FRMPD4: variants seen among roughly 807,000 people sequenced by gnomAD.
FRMPD4 encodes FERM and PDZ domain-containing protein 4.
FRMPD4 carries 22 observed loss-of-function variants against 94.1 expected under a neutral mutation model. The observed-to-expected ratio is 0.23, with a 90% CI of 0.17 to 0.33. FRMPD4 has a LOEUF of 0.33. Among genes scored for constraint, FRMPD4 ranks in the 10% least tolerant of loss-of-function variants. The pLI, the probability that FRMPD4 is intolerant of heterozygous loss-of-function variation, is 1.00. For missense variants in FRMPD4, 1,111 were observed against 1,339.9 expected, an observed-to-expected ratio of 0.83 and a Z score of 2.67; for synonymous variants, 631 against 548.6, an observed-to-expected ratio of 1.15 and a Z score of -2.10.
intron 1 of FRMPD4, among the ~76,000 whole-genome samples, chrX:11,832,347 G>A (rs920074967): frequency 1.8e-5 from 2 of 111,773 alleles, no homozygotes; most frequent in African/African-American, 6.5e-5. Context: ...CTCAGACAAA[G>A]TGATTCAAGG....
intron 6 of FRMPD4, among the ~76,000 whole-genome samples, chrX:12,683,823 A>G (rs2059995790): frequency 8.9e-6 from 1 of 112,364 alleles, no homozygotes; most frequent in African/African-American, 3.2e-5. Flanking sequence ...GAATGCTTTC[A>G]GTGTCAGAGA....
rs758839572 is a variant in FRMPD4, at chrX:12,609,862, C to A, written c.300C>A (p.Val100=). The change falls in exon 3 of 17, where the codon GTC becomes GTA. Residue 100 remains valine (V), a synonymous_variant. Coordinates refer to ENST00000675598, the MANE Select transcript of FRMPD4 (RefSeq NM_001368397.1). ...TGGCAGGCAGTGAAAAGCCAGTGGT[C>A]GTTCGCTCAGTAACACCAGGTAAGC... The part of the protein sequence containing the change: ...GFVAGSEKPV[V]VRSVTPGGPS... 7.4e-6 allele frequency: 9 copies of A among 1,210,467 alleles called. No homozygotes were observed. The East Asian group carries it at 2.7e-4, about 36-fold the overall frequency.
intron 1 of FRMPD4, among the ~76,000 whole-genome samples, chrX:12,240,802 A>G (rs2057120824): frequency 8.9e-6 from 1 of 112,193 alleles, no homozygotes; most frequent in Non-Finnish European, 1.9e-5. Flanking sequence ...TGATCAAGGC[A>G]GTGTTTTATT....
intron 1 of FRMPD4, among the ~76,000 whole-genome samples, chrX:12,352,076 C>T (rs945864488): frequency 8.9e-6 from 1 of 111,771 alleles, no homozygotes; most frequent in Admixed American, 9.5e-5. Context: ...TATTGACTTC[C>T]AGTTTTCCCA....
intron 1 of FRMPD4, among the ~76,000 whole-genome samples, chrX:12,440,791 AACTT>A (rs199625349): frequency 0.02 from 2,170 of 111,067 alleles, 51 homozygotes; most frequent in African/African-American, 0.068. Flanking sequence ...GTGCCCTATA[AACTT>A]ACTTATAGAG....
At chrX:12,101,876 A>G (rs2055258739) in intron 3 of FRMPD4, among the ~76,000 whole-genome samples, 1 of 112,074 alleles carries the variant, frequency 8.9e-6, no homozygotes, top group Non-Finnish European at 1.9e-5. Flanking sequence ...ATGTTTACAC[A>G]TCTACTTATC....
chrX:12,318,107 T>C (rs2055154547), intron 1 of FRMPD4, among the ~76,000 whole-genome samples: 1 of 112,619 alleles, frequency 8.9e-6, no homozygotes, highest in African/African-American at 3.2e-5. Flanking sequence ...CTCAATGGAG[T>C]ATTATTCAGC....
chrX:12,301,025 C>T (rs2054851829), intron 1 of FRMPD4, among the ~76,000 whole-genome samples: 1 of 111,987 alleles, frequency 8.9e-6, no homozygotes, highest in Admixed American at 9.4e-5. Context: ...GTTTCCTCCA[C>T]TCAGTTGCCC....
At chrX:11,870,027 A>G (rs1461397037) in intron 2 of FRMPD4, among the ~76,000 whole-genome samples, 1 of 111,846 alleles carries the variant, frequency 8.9e-6, no homozygotes, top group Non-Finnish European at 1.9e-5. Context: ...GTTTCTGACA[A>G]ACTGCACAAA....
At chrX:12,114,108 C>G (rs2055388611) in intron 3 of FRMPD4, among the ~76,000 whole-genome samples, 1 of 111,451 alleles carries the variant, frequency 9.0e-6, no homozygotes. Context: ...TATTCTTGTT[C>G]TCAGTCAAGT....
chrX:11,840,460 A>G (rs1002797103), intron 1 of FRMPD4, among the ~76,000 whole-genome samples: 2 of 110,767 alleles, frequency 1.8e-5, no homozygotes, highest in Admixed American at 9.6e-5. Context: ...TTTTGTGTAA[A>G]CTTTAGGAAT....
At chrX:11,885,932 C>T (rs376641551) in intron 3 of FRMPD4, among the ~76,000 whole-genome samples, 1 of 111,519 alleles carries the variant, frequency 9.0e-6, no homozygotes, top group Non-Finnish European at 1.9e-5. Context: ...GCTATTATTT[C>T]GAAGCTTTGA....
chrX:12,466,265 C>T (rs1022628572), intron 1 of FRMPD4, among the ~76,000 whole-genome samples: 7 of 112,000 alleles, frequency 6.3e-5, no homozygotes, highest in East Asian at 5.5e-4. Flanking sequence ...TAAGCTTTTT[C>T]GGTTTATGTT....
At chrX:12,561,263 TA>T (rs1046939762) in intron 2 of FRMPD4, among the ~76,000 whole-genome samples, 1 of 112,384 alleles carries the variant, frequency 8.9e-6, no homozygotes, top group East Asian at 2.8e-4. Context: ...ATAAAAACAA[TA>T]AAAAAAGTTA....
chrX:12,066,768 G>A (rs1199895664), intron 3 of FRMPD4, among the ~76,000 whole-genome samples: 1 of 108,319 alleles, frequency 9.2e-6, no homozygotes, highest in Non-Finnish European at 1.9e-5. Context: ...GGCATCATTT[G>A]GTGGGAAACC....
intron 1 of FRMPD4, among the ~76,000 whole-genome samples, chrX:12,242,458 C>T (rs958285476): frequency 7.1e-5 from 8 of 112,166 alleles, no homozygotes; most frequent in African/African-American, 2.3e-4. Flanking sequence ...TAAACAGTTT[C>T]CCCCAAATAT....
chrX:12,153,365 T>C (rs5933961), intron 1 of FRMPD4, among the ~76,000 whole-genome samples: 28,664 of 111,490 alleles, frequency 0.26, 3,284 homozygotes, highest in East Asian at 0.82. Context: ...GATGTATTGA[T>C]GGATGTTTCC....
At chrX:12,489,607 C>T (rs1422334347) in intron 1 of FRMPD4, among the ~76,000 whole-genome samples, 1 of 112,358 alleles carries the variant, frequency 8.9e-6, no homozygotes, top group African/African-American at 3.2e-5. Flanking sequence ...TTCATTAACT[C>T]TGTAATCACT....
chrX:11,959,427 G>T (rs893880519), intron 3 of FRMPD4, among the ~76,000 whole-genome samples: 1 of 112,236 alleles, frequency 8.9e-6, no homozygotes, highest in African/African-American at 3.2e-5. Flanking sequence ...TCCCTTCAGG[G>T]GTCCCATGTA....
Sources: allele counts gnomAD v4.1 joint callset (sites outside exome capture counted in the v4.1 genomes callset), GRCh38; gene constraint gnomAD v4.1.1; transcripts MANE v1.5; gene names NCBI Gene and HGNC (gene_info 2026-07-23, HGNC 2026-07-21).